The following IMPG2 variants were observed in gnomAD, a reference collection of about 807,000 sequenced individuals.
The protein encoded by IMPG2 is IPM 200.
In IMPG2, 91 loss-of-function variants were observed where a neutral mutation model predicts 129.2. The ratio of observed to expected loss-of-function variants is 0.70; its 90% CI spans 0.59 to 0.84. The LOEUF (loss-of-function observed/expected upper bound fraction) is 0.84. Among genes scored for constraint, IMPG2 ranks in the 40% least tolerant of loss-of-function variants. IMPG2 has a pLI of 0.00. For synonymous variants in IMPG2, 510 were observed against 517.7 expected (o/e 0.99, Z 0.20); for missense variants, 1,430 against 1,461.7 (o/e 0.98, Z 0.35).
intron 3 of IMPG2, among the ~76,000 whole-genome samples, chr3:101,295,429 T>C (rs1051102324): frequency 6.6e-6 from 1 of 152,230 alleles, no homozygotes; most frequent in African/African-American, 2.4e-5. Flanking sequence ...TCTGTTCCAT[T>C]GGTCTATATG....
chr3:101,257,232 A>G (rs1318941512), intron 10 of IMPG2, among the ~76,000 whole-genome samples: 2 of 152,016 alleles, frequency 1.3e-5, no homozygotes, highest in Admixed American at 6.6e-5. Context: ...GCCTGTTTCA[A>G]TGCACACTTC....
chr3:101,257,395 T>C, intron 10 of IMPG2, 134 bp downstream of exon 10: 1 of 1,013,816 alleles, frequency 9.9e-7, no homozygotes, highest in Non-Finnish European at 1.5e-6. Context: ...AAAACTCCAT[T>C]CATATCAGGT....
In IMPG2 at chr3:101,297,884, G is replaced by A. The variant is rs142687517; in HGVS notation, c.501+6262C>T. 5.4e-4 allele frequency among the ~76,000 whole-genome samples: 82 copies of A among 152,310 alleles called. 1 individual carries two copies. Among genetic ancestry groups the A allele is most frequent in the African/African-American group, 1.8e-3 (76 of 41,570 alleles). On this transcript the variant is annotated intron_variant, in intron 3 of 18. Coordinates refer to ENST00000193391, the MANE Select transcript of IMPG2 (RefSeq NM_016247.4). Reference sequence around the variant, plus strand: ...GAAGAATGTGTATTCTGTTGATTTGGGGTAGAGAGTTCTGTAGATAACTAT... The same window carrying A: ...GAAGAATGTGTATTCTGTTGATTTGAGGTAGAGAGTTCTGTAGATAACTAT...
intron 14 of IMPG2, 72 bp downstream of exon 14, chr3:101,242,616 A>G: frequency 8.9e-7 from 1 of 1,122,862 alleles, no homozygotes; most frequent in Admixed American, 1.7e-5. Context: ...ACCTTAATGC[A>G]ATGAGGAAGA....
chr3:101,278,622 G>A (rs910569664), intron 4 of IMPG2, among the ~76,000 whole-genome samples: 1 of 152,040 alleles, frequency 6.6e-6, no homozygotes, highest in Non-Finnish European at 1.5e-5. Context: ...TTTTATGATT[G>A]GAGCTGGTAT....
chr3:101,263,366 C>T (rs531869885), intron 9 of IMPG2, among the ~76,000 whole-genome samples: 1 of 151,820 alleles, frequency 6.6e-6, no homozygotes. Flanking sequence ...TCTTACCTGA[C>T]CACAATGGAA....
chr3:101,276,694 C>G lies in IMPG2; in HGVS notation c.553G>C (p.Val185Leu), dbSNP rs780986897. Residue 185 changes from valine to leucine, a missense_variant, in exon 5 of 19, where the codon GTT (valine) becomes CTT (leucine). Transcript: ENST00000193391. ...TVSSSELSSPVPVGDTSTLGD... is the reference protein window; with the variant it reads ...TVSSSELSSPLPVGDTSTLGD... ...AATGTTGAAGTATCACCAACAGGAA[C>G]TGGAGAAGACAGTTCAGAGCTAGAA... is the stretch of plus-strand genomic sequence containing the variant. 1 of 1,609,476 alleles carries G rather than the reference C, an allele frequency of 6.2e-7. No individual in the cohort carries two copies. Among genetic ancestry groups the G allele is most frequent in the Admixed American group, 1.7e-5 (1 of 59,932 alleles).
In IMPG2 at chr3:101,242,878, C is replaced by T. The variant is rs1394656229; in HGVS notation, c.2832G>A (p.Thr944=). The change falls in exon 14 of 19, where the codon ACG becomes ACA. Residue 944 remains threonine, a synonymous_variant. Transcript: ENST00000193391. ...LLVPYLQSNL[T]GFQNLEILNF... is the part of the protein sequence containing the mutation. Reference sequence around the variant, plus strand: ...TGAGGATTTCTAAGTTCTGGAACCCCGTGAGATTTGACTGGAGATAGGGAA... The same window carrying T: ...TGAGGATTTCTAAGTTCTGGAACCCTGTGAGATTTGACTGGAGATAGGGAA... 18 of 1,613,760 alleles carry T rather than the reference C, an allele frequency of 1.1e-5. No individual in the cohort carries two copies. The highest frequency in any genetic ancestry group is 8.0e-5 in the African/African-American group (6 of 74,874).
chr3:101,302,306 C>T (rs1707147858), intron 3 of IMPG2, among the ~76,000 whole-genome samples: 1 of 152,302 alleles, frequency 6.6e-6, no homozygotes, highest in East Asian at 1.9e-4. Flanking sequence ...ACTAACCCAT[C>T]ATATATATTT....
chr3:101,239,310 A>G (rs1373227330), intron 14 of IMPG2, among the ~76,000 whole-genome samples: 1 of 152,252 alleles, frequency 6.6e-6, no homozygotes, highest in Non-Finnish European at 1.5e-5. Flanking sequence ...GAAAACATTT[A>G]TGCAGCTAAC....
In IMPG2 at chr3:101,235,001, G is replaced by A. The variant is rs186187325; in HGVS notation, c.3023-2010C>T. Among the ~76,000 whole-genome samples the A allele has an allele frequency of 2.8e-3, 423 of 152,138 alleles. 6 individuals are homozygous for A. Among genetic ancestry groups the A allele is most frequent in the Non-Finnish European group, 3.1e-3 (208 of 68,002 alleles). ...GAGATATCTTGGGGATGGAACACAC[G>A]TCTACACAAAAAACTCATTTATGTT... On this transcript the variant is annotated intron_variant, in intron 14 of 18. Transcript: ENST00000193391.
At chr3:101,314,162 ATAT>A (rs2058770994) in intron 2 of IMPG2, among the ~76,000 whole-genome samples, 1 of 152,182 alleles carries the variant, frequency 6.6e-6, no homozygotes, top group African/African-American at 2.4e-5. Context: ...AATATATTTT[ATAT>A]TATTATTATT....
intron 14 of IMPG2, 30 bp from the exon 15 acceptor site, chr3:101,233,021 A>G: frequency 1.9e-6 from 3 of 1,604,804 alleles, no homozygotes; most frequent in Non-Finnish European, 2.6e-6. Flanking sequence ...ATAATGCAAG[A>G]AAAGGCAAAA....
At chr3:101,268,984 C>CAAAGTATTCACTCAGT (rs1706749648) in intron 8 of IMPG2, among the ~76,000 whole-genome samples, 2 of 152,306 alleles carry the variant, frequency 1.3e-5, no homozygotes, top group East Asian at 3.9e-4. Flanking sequence ...ATACCCAACA[C>CAAAGTATTCACTCAGT]AAAGTATTCA....
chr3:101,299,584 A>AT (rs141020547), intron 3 of IMPG2, among the ~76,000 whole-genome samples: 3,160 of 152,030 alleles, frequency 0.021, 111 homozygotes, highest in African/African-American at 0.072. Context: ...TTTGTAGGGA[A>AT]TTTTTTTGTT....
chr3:101,229,287 T>C, intron 17 of IMPG2, 93 bp downstream of exon 17: 2 of 1,038,766 alleles, frequency 1.9e-6, no homozygotes, highest in East Asian at 2.5e-5. Flanking sequence ...CATGCACACA[T>C]ACACTCATAC....
rs149291477 is a variant in IMPG2 at position 101,244,438 on chromosome 3, C to T, written c.1893G>A (p.Pro631=). ...AAAGTGAATCATCATCTTCAAGCCA[C>T]GGCTTGGACAGTGGTTCAGCGCTCT... is the stretch of plus-strand genomic sequence containing the variant. ...SEKSAEPLSK[P]WLEDDDSLLP... Residue 631 remains proline (P), a synonymous_variant, in exon 13 of 19, where the codon CCG becomes CCA. Transcript: ENST00000193391. 443 of 1,614,170 alleles carry T rather than the reference C, an allele frequency of 2.7e-4. 1 individual carries two copies. In the African/African-American group the frequency reaches 4.8e-3, roughly 17 times the overall value.
rs1267881983 is a variant in IMPG2, at chr3:101,304,216, C to T, written c.431G>A (p.Gly144Glu). The T allele has an allele frequency of 6.2e-7, 1 of 1,613,844 alleles. No homozygotes were observed. The highest frequency in any genetic ancestry group is 1.7e-5 in the Admixed American group (1 of 60,020). ...YHYWMNLCED[G>E]VTSIFEMGTN... ...GCCCATTTCAAATATACTTGTGACTCCATCCTCACACAAATTCATCCAGTA... is the reference window on the plus strand; with the variant it reads ...GCCCATTTCAAATATACTTGTGACTTCATCCTCACACAAATTCATCCAGTA... The change falls in exon 3 of 19, where the codon GGA (glycine) becomes GAA (glutamate). Residue 144 changes from glycine to glutamate, a missense_variant. By Grantham distance (98) the Gly-to-Glu change is moderately conservative (BLOSUM62 -2). Coordinates refer to ENST00000193391, the MANE Select transcript of IMPG2 (RefSeq NM_016247.4).
At chr3:101,257,829 A>G in intron 9 of IMPG2, 56 bp from the exon 10 acceptor site, 1 of 1,592,370 alleles carries the variant, frequency 6.3e-7, no homozygotes, top group Non-Finnish European at 8.6e-7. Flanking sequence ...CAAAGAAAGG[A>G]GCATTGAACC....
Sources: allele counts gnomAD v4.1 joint callset (sites outside exome capture counted in the v4.1 genomes callset), GRCh38; gene constraint gnomAD v4.1.1; transcripts MANE v1.5; gene names NCBI Gene and HGNC (gene_info 2026-07-23, HGNC 2026-07-21).